Variants in XKR9 observed in about 807,000 individuals in gnomAD.
XKR9 encodes the protein XK-related protein 9.
A neutral mutation model predicts 32.0 loss-of-function variants in XKR9; 32 were observed. The ratio of observed to expected loss-of-function variants is 1.00; its 90% CI spans 0.76 to 1.34. The LOEUF (loss-of-function observed/expected upper bound fraction) is 1.34, where lower values mean the gene tolerates loss of function less well. Among genes scored for constraint, XKR9 ranks in the 40% most tolerant of loss-of-function variants. The pLI, the probability that XKR9 is intolerant of heterozygous loss-of-function variation, is 0.00. For missense variants in XKR9, 546 were observed against 429.7 expected (o/e 1.27, Z -2.39); for synonymous variants, 168 against 143.4 (o/e 1.17, Z -1.22).
the XKR9 span, among the ~76,000 whole-genome samples, chr8:70,880,378 C>A: frequency 6.6e-6 from 1 of 152,156 alleles, no homozygotes; most frequent in Non-Finnish European, 1.5e-5. Context: ...AAAACCCCAT[C>A]ATCTCAGCCC....
intron 3 of XKR9, among the ~76,000 whole-genome samples, chr8:70,695,430 TG>T (rs1211861064): frequency 6.7e-6 from 1 of 150,106 alleles, no homozygotes; most frequent in Non-Finnish European, 1.5e-5. Context: ...ATGCAGTGTT[TG>T]GTTTTTTGTC....
chr8:70,702,976 T>C (rs1441801429), intron 3 of XKR9, among the ~76,000 whole-genome samples: 1 of 152,192 alleles, frequency 6.6e-6, no homozygotes, highest in East Asian at 1.9e-4. Context: ...TGTTTCCCTG[T>C]GAGGAATATG....
chr8:70,846,856 T>C, the XKR9 span, among the ~76,000 whole-genome samples: 2 of 151,994 alleles, frequency 1.3e-5, no homozygotes, highest in Non-Finnish European at 2.9e-5. Flanking sequence ...ACAAATATTA[T>C]ATTTAAAGGG....
chr8:70,929,587 G>GA, the XKR9 span, among the ~76,000 whole-genome samples: 1 of 152,150 alleles, frequency 6.6e-6, no homozygotes, highest in Non-Finnish European at 1.5e-5. Context: ...TGGGTTGTTG[G>GA]AAAAACTTAG....
chr8:70,792,078 G>A (rs977780438), downstream of XKR9, among the ~76,000 whole-genome samples: 26 of 152,166 alleles, frequency 1.7e-4, no homozygotes, highest in South Asian at 1.0e-3. Flanking sequence ...TCGATCTTCA[G>A]TGTTCTTTCT....
chr8:70,825,301 G>C, the XKR9 span, among the ~76,000 whole-genome samples: 1 of 151,994 alleles, frequency 6.6e-6, no homozygotes, highest in Non-Finnish European at 1.5e-5. Flanking sequence ...TTACTTCATT[G>C]AGTGACCTGC....
At chr8:71,032,247 G>T in the XKR9 span, among the ~76,000 whole-genome samples, 1 of 126,420 alleles carries the variant, frequency 7.9e-6, no homozygotes, top group Non-Finnish European at 1.5e-5. Context: ...TCACACCACT[G>T]CACTCCAGCC....
the XKR9 span, among the ~76,000 whole-genome samples, chr8:70,825,969 A>G: frequency 1.3e-5 from 2 of 152,134 alleles, no homozygotes; most frequent in Non-Finnish European, 2.9e-5. Context: ...TGTAATACAT[A>G]TATTTATAAT....
At chr8:70,770,137 T>C (rs1807434435) in intron 2 of XKR9, among the ~76,000 whole-genome samples, 1 of 152,192 alleles carries the variant, frequency 6.6e-6, no homozygotes, top group Non-Finnish European at 1.5e-5. Context: ...ATGTGTGTCC[T>C]TTTTGTTGAT....
At chr8:70,802,442 C>G in the XKR9 span, among the ~76,000 whole-genome samples, 1 of 152,202 alleles carries the variant, frequency 6.6e-6, no homozygotes, top group Admixed American at 6.5e-5. Context: ...ACTTGCCACT[C>G]TATGCCTTTT....
intron 2 of XKR9, among the ~76,000 whole-genome samples, chr8:70,779,750 T>C (rs1000686994): frequency 1.3e-5 from 2 of 152,202 alleles, no homozygotes; most frequent in Admixed American, 6.5e-5. Context: ...TTAGAGGTGT[T>C]TATAGTATTC....
the XKR9 span, among the ~76,000 whole-genome samples, chr8:70,857,514 A>C: frequency 1.3e-5 from 2 of 152,218 alleles, no homozygotes; most frequent in African/African-American, 4.8e-5. Context: ...TGATGGATTC[A>C]CAGCCGAATT....
chr8:70,998,710 T>G, the XKR9 span, among the ~76,000 whole-genome samples: 2 of 152,176 alleles, frequency 1.3e-5, no homozygotes, highest in Admixed American at 1.3e-4. Context: ...CTTCCTTTAG[T>G]GGGGAAAGGA....
chr8:70,940,123 G>T, the XKR9 span, among the ~76,000 whole-genome samples: 1 of 151,920 alleles, frequency 6.6e-6, no homozygotes, highest in Non-Finnish European at 1.5e-5. Flanking sequence ...GTGTAATGGG[G>T]ACTGGACAAC....
the XKR9 span, among the ~76,000 whole-genome samples, chr8:70,813,036 C>G: frequency 1.6e-4 from 25 of 152,252 alleles, no homozygotes; most frequent in Admixed American, 9.2e-4. Context: ...TACCTGACTT[C>G]AAACTATACT....
the XKR9 span, among the ~76,000 whole-genome samples, chr8:70,885,732 G>T: frequency 5.9e-5 from 9 of 152,192 alleles, no homozygotes; most frequent in Admixed American, 5.9e-4. Flanking sequence ...AAGTAGCTGG[G>T]ACTACAGGCA....
intron 2 of XKR9, among the ~76,000 whole-genome samples, chr8:70,770,483 A>G (rs544853336): frequency 2.0e-5 from 3 of 152,218 alleles, no homozygotes; most frequent in East Asian, 3.9e-4. Context: ...GGCAGGCAGG[A>G]ACGTTTAAGT....
At chr8:70,898,114 T>A in the XKR9 span, among the ~76,000 whole-genome samples, 4 of 152,220 alleles carry the variant, frequency 2.6e-5, no homozygotes, top group Non-Finnish European at 5.9e-5. Flanking sequence ...GGGTCTAGTT[T>A]CATTCTTTTA....
downstream of XKR9, among the ~76,000 whole-genome samples, chr8:70,790,719 T>A (rs1187056077): frequency 6.6e-6 from 1 of 152,150 alleles, no homozygotes; most frequent in Admixed American, 6.6e-5. Context: ...CTTTATCCTC[T>A]GCAATTTTGT....
Sources: allele counts gnomAD v4.1 joint callset (sites outside exome capture counted in the v4.1 genomes callset), GRCh38; gene constraint gnomAD v4.1.1; transcripts MANE v1.5; gene names NCBI Gene and HGNC (gene_info 2026-07-23, HGNC 2026-07-21).